DNAAF4: variants seen among roughly 807,000 people sequenced by gnomAD.
The protein encoded by DNAAF4 is dynein assembly factor 4, axonemal.
In DNAAF4, 43 loss-of-function variants were observed where a neutral mutation model predicts 51.8. That is an observed-to-expected ratio of 0.83 (90% confidence interval 0.65 to 1.07). DNAAF4 has a LOEUF of 1.07. Among genes scored for constraint, DNAAF4 ranks in the 50% least tolerant of loss-of-function variants. The probability of loss-of-function intolerance (pLI) is 0.00; values close to 1 mark genes in which losing one functional copy is unlikely to be tolerated. For synonymous variants in DNAAF4, 194 were observed against 165.6 expected, an observed-to-expected ratio of 1.17 and a Z score of -1.32; for missense variants, 581 against 493.0, an observed-to-expected ratio of 1.18 and a Z score of -1.69.
chr15:55,469,297 T>C (rs1029760468), intron 4 of DNAAF4, among the ~76,000 whole-genome samples: 31 of 148,348 alleles, frequency 2.1e-4, no homozygotes, highest in African/African-American at 7.5e-4. Flanking sequence ...GCCATTGCAC[T>C]CAAACCTGGG....
chr15:55,503,292 C>T (rs148802869), intron 1 of DNAAF4, among the ~76,000 whole-genome samples: 204 of 152,154 alleles, frequency 1.3e-3, no homozygotes, highest in African/African-American at 4.6e-3. Flanking sequence ...AATAACCTAC[C>T]AACCAAAAAA....
chr15:55,465,317 T>C (rs1218046645), intron 5 of DNAAF4, among the ~76,000 whole-genome samples: 4 of 151,436 alleles, frequency 2.6e-5, no homozygotes, highest in South Asian at 4.2e-4. Context: ...AGCAGCACAA[T>C]TGCAATTGCA....
intron 6 of DNAAF4, among the ~76,000 whole-genome samples, chr15:55,449,065 T>C (rs1046671006): frequency 2.0e-5 from 3 of 150,906 alleles, no homozygotes; most frequent in East Asian, 2.0e-4. Context: ...TCTTGGCTCA[T>C]TGCAACCTCT....
At chr15:55,500,206 C>A (rs2058688316) in intron 1 of DNAAF4, among the ~76,000 whole-genome samples, 1 of 152,128 alleles carries the variant, frequency 6.6e-6, no homozygotes, top group Admixed American at 6.5e-5. Flanking sequence ...GAGCAACAGA[C>A]TTGAAGAGAA....
intron 6 of DNAAF4, among the ~76,000 whole-genome samples, chr15:55,441,357 A>G (rs1478163679): frequency 6.6e-6 from 1 of 152,218 alleles, no homozygotes; most frequent in South Asian, 2.1e-4. Flanking sequence ...GGCGTGAGCC[A>G]CCATGCCCAG....
intron 4 of DNAAF4, among the ~76,000 whole-genome samples, chr15:55,470,405 A>T (rs2058237035): frequency 1.3e-5 from 2 of 152,136 alleles, no homozygotes; most frequent in Admixed American, 1.3e-4. Context: ...CAAATGAAAG[A>T]GATGTCTAGG....
chr15:55,458,706 T>C (rs1188949366), intron 5 of DNAAF4, among the ~76,000 whole-genome samples: 4 of 152,158 alleles, frequency 2.6e-5, no homozygotes, highest in African/African-American at 7.2e-5. Flanking sequence ...GGGGAATTCA[T>C]TGCAAAAAGA....
chr15:55,423,042 G>C (rs8025982), intron 7 of DNAAF4, among the ~76,000 whole-genome samples: 149,437 of 152,068 alleles, frequency 0.98, 73,473 homozygotes, highest in East Asian at 1. Flanking sequence ...CTCTCTACAA[G>C]AAGAAGCGGT....
intron 7 of DNAAF4, among the ~76,000 whole-genome samples, chr15:55,438,351 C>CA (rs35978344): frequency 1.6e-4 from 22 of 137,882 alleles, no homozygotes; most frequent in African/African-American, 4.1e-4. Flanking sequence ...GACTTTGTCT[C>CA]AAAAAAAAAA....
chr15:55,473,198 A>AAAT (rs1209754897), intron 4 of DNAAF4, among the ~76,000 whole-genome samples: 3 of 75,748 alleles, frequency 4.0e-5, no homozygotes, highest in African/African-American at 1.6e-4. Context: ...AAAAAAAAAA[A>AAAT]ATATATATAT....
At chr15:55,435,456 C>G (rs1487289270) in intron 7 of DNAAF4, among the ~76,000 whole-genome samples, 2 of 152,076 alleles carry the variant, frequency 1.3e-5, no homozygotes, top group East Asian at 3.9e-4. Flanking sequence ...TCACATAGCC[C>G]ACATTGTTGC....
Position 55,461,799 on chromosome 15 carries a change from T to G in DNAAF4, c.637+5131A>C, listed in dbSNP as rs879477056. Among the ~76,000 whole-genome samples the G allele has an allele frequency of 6.6e-5, 10 of 151,844 alleles. 1 individual carries two copies. Among genetic ancestry groups the G allele is most frequent in the Admixed American group, 3.3e-4 (5 of 15,236 alleles). On this transcript the variant is annotated intron_variant, in intron 5 of 9. Coordinates refer to ENST00000321149, the MANE Select transcript of DNAAF4 (RefSeq NM_130810.4). Reference sequence around the variant, plus strand: ...GAAATAACAAAGATCAGAGCAGAACTAAATGAAACTGAAAGAAAAAAATAC... The same window carrying G: ...GAAATAACAAAGATCAGAGCAGAACGAAATGAAACTGAAAGAAAAAAATAC...
At chr15:55,483,505 A>C (rs1448688623) in intron 4 of DNAAF4, among the ~76,000 whole-genome samples, 1 of 152,026 alleles carries the variant, frequency 6.6e-6, no homozygotes, top group African/African-American at 2.4e-5. Flanking sequence ...AAAAGAATGA[A>C]CTTTATGGTA....
chr15:55,434,761 A>C, intron 8 of DNAAF4, 144 bp downstream of exon 8: 1 of 769,000 alleles, frequency 1.3e-6, no homozygotes. Context: ...AAATCAGTTA[A>C]AAAAAAAAAG....
chr15:55,473,363 G>GTGTATATATA (rs1267875758), intron 4 of DNAAF4, among the ~76,000 whole-genome samples: 4 of 130,916 alleles, frequency 3.1e-5, no homozygotes, highest in African/African-American at 1.2e-4. Flanking sequence ...ATATATATGT[G>GTGTATATATA]TGTGTGTATA....
At chr15:55,501,376 CTTTT>C (rs1192104530) in intron 1 of DNAAF4, among the ~76,000 whole-genome samples, 1 of 104,492 alleles carries the variant, frequency 9.6e-6, no homozygotes. Flanking sequence ...TTCTTTCTTT[CTTTT>C]TTTTTTTTTT....
At chr15:55,470,050 ACC>A (rs149191317) in intron 4 of DNAAF4, among the ~76,000 whole-genome samples, 6 of 131,522 alleles carry the variant, frequency 4.6e-5, no homozygotes, top group Non-Finnish European at 8.2e-5. Flanking sequence ...GCTTATATTT[ACC>A]CCTTTTTTTT....
chr15:55,460,767 ATT>A (rs543643696), intron 5 of DNAAF4, among the ~76,000 whole-genome samples: 6 of 145,694 alleles, frequency 4.1e-5, no homozygotes, highest in Non-Finnish European at 3.0e-5. Flanking sequence ...AGTCTCAATA[ATT>A]TTTTTTTTTT....
At chr15:55,460,667 A>G (rs945826173) in intron 5 of DNAAF4, among the ~76,000 whole-genome samples, 11 of 152,316 alleles carry the variant, frequency 7.2e-5, no homozygotes, top group Non-Finnish European at 1.5e-4. Context: ...TTTACAGAAT[A>G]TTCTACCCAA....
Sources: gnomAD v4.1 joint callset for allele counts (sites outside exome capture counted in the v4.1 genomes callset) on GRCh38, gnomAD v4.1.1 for gene constraint, MANE v1.5 for transcripts, NCBI Gene and HGNC (gene_info 2026-07-23, HGNC 2026-07-21) for gene names.